Variants in HECTD2 observed in about 807,000 individuals in gnomAD.
The protein encoded by HECTD2 is HECT domain E3 ubiquitin protein ligase 2, also known as probable E3 ubiquitin-protein ligase HECTD2.
HECTD2 carries 35 observed loss-of-function variants against 103.2 expected under a neutral mutation model. The observed-to-expected ratio is 0.34, with a 90% CI of 0.26 to 0.45. HECTD2 has a LOEUF of 0.45. Among genes scored for constraint, HECTD2 ranks in the 20% least tolerant of loss-of-function variants. The pLI is 1.00. For synonymous variants in HECTD2, 281 were observed against 329.9 expected (o/e 0.85, Z 1.61); for missense variants, 596 against 937.4 (o/e 0.64, Z 4.76).
At chr10:91,427,773 G>A (rs1359909685) in intron 2 of HECTD2, among the ~76,000 whole-genome samples, 8 of 151,792 alleles carry the variant, frequency 5.3e-5, no homozygotes, top group East Asian at 3.9e-4. Context: ...AGTAGGTTGC[G>A]AAAATTTTCT....
At chr10:91,489,876 C>A (rs1000985924) in intron 11 of HECTD2, 1 of 152,080 alleles carries the variant, frequency 6.6e-6, no homozygotes, top group Non-Finnish European at 1.5e-5. Flanking sequence ...CAAATTGCTG[C>A]ATGTATTTAA....
chr10:91,424,026 AGG>A (rs1843458479), intron 1 of HECTD2, among the ~76,000 whole-genome samples: 1 of 152,090 alleles, frequency 6.6e-6, no homozygotes, highest in African/African-American at 2.4e-5. Context: ...AAAACTATTA[AGG>A]TTTATTATTG....
At chr10:91,484,171 G>A in intron 8 of HECTD2, 1 of 562,782 alleles carries the variant, frequency 1.8e-6, no homozygotes, top group Non-Finnish European at 3.1e-6. Flanking sequence ...AAATGACCAT[G>A]AAAACACAAG....
At chr10:91,495,508 C>G (rs1040824003) in intron 14 of HECTD2, among the ~76,000 whole-genome samples, 1 of 151,984 alleles carries the variant, frequency 6.6e-6, no homozygotes, top group Non-Finnish European at 1.5e-5. Context: ...TCCTTAATAA[C>G]TTTATATAAT....
At chr10:91,490,464 A>G (rs1406704486) in intron 11 of HECTD2, among the ~76,000 whole-genome samples, 1 of 152,212 alleles carries the variant, frequency 6.6e-6, no homozygotes, top group Non-Finnish European at 1.5e-5. Context: ...TGTAAAGTAG[A>G]CTAATTGTAC....
chr10:91,497,371 A>C (rs1846717356), intron 15 of HECTD2, among the ~76,000 whole-genome samples: 1 of 144,872 alleles, frequency 6.9e-6, no homozygotes, highest in Non-Finnish European at 1.5e-5. Flanking sequence ...GCTCACTGCA[A>C]CCTCCACCTC....
At chr10:91,430,835 T>C (rs577406980) in intron 2 of HECTD2, among the ~76,000 whole-genome samples, 1 of 149,174 alleles carries the variant, frequency 6.7e-6, no homozygotes, top group South Asian at 2.1e-4. Context: ...CTTTATCCAG[T>C]TTGCCAGTCT....
At position 91,512,724 on chromosome 10, in the gene HECTD2, T is replaced by G; in HGVS notation, c.*340T>G. ...GTGAAGAATGAATTTATGGTATAGTTGAACCCAGTGGCAGATTGTACACTG... is the reference window on the plus strand; with the variant it reads ...GTGAAGAATGAATTTATGGTATAGTGGAACCCAGTGGCAGATTGTACACTG... On this transcript the variant is annotated 3_prime_UTR_variant, in exon 21 of 21. Transcript: ENST00000298068. 1.4e-5 allele frequency: 3 copies of G among 219,196 alleles called. No homozygotes were observed. The highest frequency in any genetic ancestry group is 2.8e-5 in the Non-Finnish European group (3 of 107,682). 13.6% of individuals were successfully genotyped at this position (219,196 alleles called of 1,614,324 possible).
At chr10:91,437,765 A>G (rs1844194644) in intron 2 of HECTD2, among the ~76,000 whole-genome samples, 3 of 151,672 alleles carry the variant, frequency 2.0e-5, no homozygotes, top group Non-Finnish European at 4.4e-5. Flanking sequence ...TACTTCCTGA[A>G]TTTCTCTATT....
intron 20 of HECTD2, among the ~76,000 whole-genome samples, chr10:91,501,762 C>G (rs577981249): frequency 2.4e-4 from 36 of 150,538 alleles, no homozygotes; most frequent in African/African-American, 8.8e-4. Flanking sequence ...CCAGAAGTAC[C>G]TCTAATACTA....
At chr10:91,436,336 T>C (rs1844117240) in intron 2 of HECTD2, among the ~76,000 whole-genome samples, 1 of 152,030 alleles carries the variant, frequency 6.6e-6, no homozygotes, top group African/African-American at 2.4e-5. Flanking sequence ...GGAACCCTGA[T>C]GTCCGTGTCT....
chr10:91,430,641 C>T (rs1009221775), intron 2 of HECTD2, among the ~76,000 whole-genome samples: 16 of 152,232 alleles, frequency 1.1e-4, no homozygotes, highest in Middle Eastern at 6.8e-3. Context: ...TAATGGCCTT[C>T]TTTGTCTCTT....
chr10:91,430,888 T>C (rs903738058), intron 2 of HECTD2, among the ~76,000 whole-genome samples: 1 of 151,768 alleles, frequency 6.6e-6, no homozygotes, highest in Non-Finnish European at 1.5e-5. Context: ...CATTTAAAGT[T>C]AATATCATTA....
intron 11 of HECTD2, among the ~76,000 whole-genome samples, chr10:91,490,609 T>C (rs1846429270): frequency 6.6e-6 from 1 of 152,090 alleles, no homozygotes; most frequent in African/African-American, 2.4e-5. Flanking sequence ...AGATGAGACA[T>C]GGCCGGGCGC....
At chr10:91,466,559 AC>A (rs2133221960) in intron 5 of HECTD2, among the ~76,000 whole-genome samples, 1 of 152,220 alleles carries the variant, frequency 6.6e-6, no homozygotes, top group Non-Finnish European at 1.5e-5. Context: ...TTCCCTCTAA[AC>A]ACTGCTTTTG....
intron 2 of HECTD2, among the ~76,000 whole-genome samples, chr10:91,453,247 C>T (rs1251439437): frequency 6.6e-6 from 1 of 152,130 alleles, no homozygotes; most frequent in South Asian, 2.1e-4. Flanking sequence ...GCTTGGGGAA[C>T]GTAGCGAGAC....
chr10:91,421,559 G>A (rs1055502960), intron 1 of HECTD2, among the ~76,000 whole-genome samples: 1 of 152,176 alleles, frequency 6.6e-6, no homozygotes, highest in Non-Finnish European at 1.5e-5. Context: ...TTTGTGTTGG[G>A]CCGCATTCAA....
chr10:91,512,476 T>C lies in HECTD2; in HGVS notation c.*92T>C. 8.6e-7 allele frequency: 1 copy of C among 1,163,682 alleles called. No homozygotes were observed. The highest frequency in any genetic ancestry group is 1.2e-6 in the Non-Finnish European group (1 of 827,350). 72.1% of individuals were successfully genotyped at this position (1,163,682 alleles called of 1,614,324 possible). A position where few individuals can be genotyped will look rare whatever the true frequency, so the allele number is the denominator to read the frequency against. ...TTTTCATGTTTCTGTCTCAAAACAC[T>C]TTGACAAAGCTCACCAACTTTAAAA... On this transcript the variant is annotated 3_prime_UTR_variant, in exon 21 of 21. Coordinates refer to ENST00000298068, the MANE Select transcript of HECTD2 (RefSeq NM_182765.6).
chr10:91,494,501 A>G (rs1846594841), intron 14 of HECTD2, among the ~76,000 whole-genome samples: 1 of 152,052 alleles, frequency 6.6e-6, no homozygotes, highest in South Asian at 2.1e-4. Context: ...CCATCTTTGA[A>G]TGTCTGTCTT....
Sources: gnomAD v4.1 joint callset for allele counts (sites outside exome capture counted in the v4.1 genomes callset) on GRCh38, gnomAD v4.1.1 for gene constraint, MANE v1.5 for transcripts, NCBI Gene and HGNC (gene_info 2026-07-23, HGNC 2026-07-21) for gene names.